Variants in FRMD4B observed in about 807,000 individuals in gnomAD.
The protein encoded by FRMD4B is FERM domain containing 4B.
Under a neutral mutation model 141.5 loss-of-function variants are expected in FRMD4B, and 74 were observed. The observed-to-expected ratio is 0.52, with a 90% CI of 0.43 to 0.63. The LOEUF (loss-of-function observed/expected upper bound fraction) is 0.63, where lower values mean the gene tolerates loss of function less well. FRMD4B is among the 30% of genes least tolerant of loss of function. FRMD4B has a pLI of 0.00. For missense variants in FRMD4B, 1,366 were observed against 1,253.4 expected (o/e 1.09, Z -1.36); for synonymous variants, 506 against 467.9 (o/e 1.08, Z -1.05).
chr3:69,278,579 G>A (rs2093629122), intron 5 of FRMD4B, among the ~76,000 whole-genome samples: 1 of 149,764 alleles, frequency 6.7e-6, no homozygotes, highest in Non-Finnish European at 1.5e-5. Flanking sequence ...TTACAGGTGT[G>A]AGTCACCCCA....
At chr3:69,493,228 G>C (rs1706331079) in intron 1 of FRMD4B, among the ~76,000 whole-genome samples, 2 of 152,262 alleles carry the variant, frequency 1.3e-5, no homozygotes, top group African/African-American at 2.4e-5. Flanking sequence ...AATTAAGAGG[G>C]GAGAGTAGAG....
At chr3:69,228,656 G>GAGACCTTGTGTTTCTACA (rs2093277145) in intron 7 of FRMD4B, 1 of 340,662 alleles carries the variant, frequency 2.9e-6, no homozygotes, top group Non-Finnish European at 5.8e-6. Flanking sequence ...GCAACACAGT[G>GAGACCTTGTGTTTCTACA]AGACCTTGTT....
chr3:69,405,000 T>C (rs1704626577), intron 2 of FRMD4B, among the ~76,000 whole-genome samples: 2 of 152,300 alleles, frequency 1.3e-5, no homozygotes, highest in South Asian at 4.1e-4. Flanking sequence ...GTGCCAACTA[T>C]ACAGGGGCTA....
chr3:69,371,046 A>G (rs901068020), intron 1 of FRMD4B, among the ~76,000 whole-genome samples: 1 of 152,212 alleles, frequency 6.6e-6, no homozygotes, highest in Non-Finnish European at 1.5e-5. Context: ...ATATATTCAT[A>G]GAGTCAGGTG....
rs201372509 is a variant in FRMD4B, at chr3:69,181,678, C to T, written c.2072G>A (p.Arg691Gln). The T allele has an allele frequency of 1.4e-5, 23 of 1,613,194 alleles. No individual in the cohort carries two copies. The highest frequency in any genetic ancestry group is 6.7e-5 in the Admixed American group (4 of 59,948). The change falls in exon 21 of 23, where the codon CGG becomes CAG. Residue 691 changes from arginine to glutamine, a missense_variant. Physicochemically the swap from Arg to Gln is conservative, Grantham distance 43 (BLOSUM62 1). Coordinates refer to ENST00000398540, the MANE Select transcript of FRMD4B (RefSeq NM_015123.3). ...PESSSQHCRQRSGSLESQSHL... is the reference protein window; with the variant it reads ...PESSSQHCRQQSGSLESQSHL... ...GGACTGGGACTCCAGGCTTCCACTCCGCTGGCGGCAGTGCTGAGATGAAGA... is the reference window on the plus strand; with the variant it reads ...GGACTGGGACTCCAGGCTTCCACTCTGCTGGCGGCAGTGCTGAGATGAAGA...
chr3:69,381,237 C>T (rs1401185743), intron 1 of FRMD4B, among the ~76,000 whole-genome samples: 2 of 152,200 alleles, frequency 1.3e-5, no homozygotes, highest in Non-Finnish European at 2.9e-5. Context: ...AAGTCACTTG[C>T]TTCTCCAATA....
chr3:69,339,566 G>C (rs1043330452), intron 1 of FRMD4B, among the ~76,000 whole-genome samples: 3 of 152,068 alleles, frequency 2.0e-5, no homozygotes, highest in African/African-American at 7.2e-5. Context: ...ACCTGTCACA[G>C]GAATGATGCA....
At chr3:69,516,256 C>A (rs904310095) in intron 1 of FRMD4B, among the ~76,000 whole-genome samples, 3 of 152,082 alleles carry the variant, frequency 2.0e-5, no homozygotes, top group South Asian at 2.1e-4. Flanking sequence ...TATTTCCATG[C>A]CTTAATTCTG....
intron 1 of FRMD4B, among the ~76,000 whole-genome samples, chr3:69,448,241 G>C (rs1161984984): frequency 1.3e-5 from 2 of 152,046 alleles, no homozygotes; most frequent in Non-Finnish European, 2.9e-5. Context: ...TGTTAGCCAG[G>C]CTGGTCTCGA....
rs1314631384 is a variant in FRMD4B at position 69,515,446 on chromosome 3, T to C, written c.-129+26760A>G. ...TTTTGAAGTCTTTTGCATGGGAAAT[T>C]TGTCTATTCTCCCCAATTTATTTAC... On this transcript the variant is annotated intron_variant, in intron 1 of 5. Coordinates refer to the FRMD4B transcript ENST00000459638. Among the ~76,000 whole-genome samples, 7 of 152,330 alleles carry C rather than the reference T, an allele frequency of 4.6e-5. 1 individual carries two copies. The highest frequency in any genetic ancestry group is 1.7e-4 in the African/African-American group (7 of 41,582).
chr3:69,196,228 G>T (rs750584014), intron 14 of FRMD4B, 27 bp downstream of exon 14: 11 of 1,538,016 alleles, frequency 7.2e-6, no homozygotes, highest in African/African-American at 5.6e-5. Context: ...AAGATGGCTT[G>T]CACGTTCTCT....
At chr3:69,270,574 T>TTTC (rs1553713867) in intron 5 of FRMD4B, among the ~76,000 whole-genome samples, 1 of 148,022 alleles carries the variant, frequency 6.8e-6, no homozygotes, top group Admixed American at 6.8e-5. Context: ...TTTTTCTTTT[T>TTTC]TTTTTTTTTT....
chr3:69,472,927 T>C lies in FRMD4B; in HGVS notation c.-128-40166A>G, dbSNP rs1367798753. 2.3e-5 allele frequency among the ~76,000 whole-genome samples: 3 copies of C among 130,300 alleles called. No individual in the cohort carries two copies. The Admixed American group carries it at 2.4e-4, about 11-fold the overall frequency. 85.5% of individuals were successfully genotyped at this position (130,300 alleles called of 152,430 possible). A position where few individuals can be genotyped will look rare whatever the true frequency, so the allele number is the denominator to read the frequency against. On this transcript the variant is annotated intron_variant, in intron 1 of 5. Transcript: ENST00000459638. The stretch of plus-strand genomic sequence containing the variant: ...TCCAAGGCTTCAAGTGAGTCTTTCT[T>C]TTTTTTTTTTCTTTTTTTTTTTTTT...
chr3:69,171,373 A>G lies in FRMD4B; in HGVS notation c.*488T>C, dbSNP rs1293186902. 1 of 153,840 alleles carries G rather than the reference A, an allele frequency of 6.5e-6. No individual in the cohort carries two copies. The highest frequency in any genetic ancestry group is 6.5e-5 in the Admixed American group (1 of 15,456). The allele number at this position is 153,840 out of a possible 1,614,324, so 9.5% of individuals were successfully genotyped here. A position where few individuals can be genotyped will look rare whatever the true frequency, so the allele number is the denominator to read the frequency against. ...CTAAATTGTCCATGTCTGTGTAGAA[A>G]GAGCATGTTACTCTTTGTCAGCTCA... is the stretch of plus-strand genomic sequence containing the variant. On this transcript the variant is annotated 3_prime_UTR_variant, in exon 23 of 23. Coordinates refer to ENST00000398540, the MANE Select transcript of FRMD4B (RefSeq NM_015123.3).
intron 1 of FRMD4B, among the ~76,000 whole-genome samples, chr3:69,494,737 C>CA (rs1038867804): frequency 6.6e-6 from 1 of 152,180 alleles, no homozygotes; most frequent in South Asian, 2.1e-4. Context: ...ACTAAAAATA[C>CA]AAAAGTTAGC....
intron 5 of FRMD4B, among the ~76,000 whole-genome samples, chr3:69,265,648 T>C (rs146609289): frequency 0.013 from 2,007 of 151,610 alleles, 56 homozygotes; most frequent in African/African-American, 0.046. Flanking sequence ...GGGGTTTCAC[T>C]GTGTTAGCCA....
At chr3:69,535,660 T>C (rs1370115938) in intron 1 of FRMD4B, 2 of 228,006 alleles carry the variant, frequency 8.8e-6, no homozygotes, top group Non-Finnish European at 9.0e-6. Context: ...CCTCCGGCCC[T>C]AGGATACAGC....
chr3:69,439,420 T>G (rs1033524674), intron 1 of FRMD4B, among the ~76,000 whole-genome samples: 3 of 152,190 alleles, frequency 2.0e-5, no homozygotes, highest in African/African-American at 7.2e-5. Flanking sequence ...ATGCAGGAAT[T>G]TCTCCTGGTA....
chr3:69,410,571 G>C (rs1414883564), intron 2 of FRMD4B, among the ~76,000 whole-genome samples: 2 of 151,732 alleles, frequency 1.3e-5, no homozygotes, highest in African/African-American at 4.8e-5. Flanking sequence ...GATGCCCTCT[G>C]ATGGCACAGG....
Sources: gnomAD v4.1 joint callset for allele counts (sites outside exome capture counted in the v4.1 genomes callset) on GRCh38, gnomAD v4.1.1 for gene constraint, MANE v1.5 for transcripts, NCBI Gene and HGNC (gene_info 2026-07-23, HGNC 2026-07-21) for gene names.